Variants in RTL3 observed in about 807,000 individuals in gnomAD.
The protein encoded by RTL3 is retrotransposon Gag-like protein 3.
For synonymous variants in RTL3, 181 were observed against 132.2 expected (o/e 1.37, Z -2.53); for missense variants, 468 against 341.8 (o/e 1.37, Z -2.91).
In RTL3 at chrX:78,657,214, T is replaced by C. The variant is rs796647797; in HGVS notation, c.1207A>G (p.Lys403Glu). The change falls in exon 2 of 2, where the codon AAA becomes GAA. Residue 403 changes from lysine (K) to glutamate (E), a missense_variant. Coordinates refer to ENST00000321110, the MANE Select transcript of RTL3 (RefSeq NM_152694.3). ...EEKPDPNPLGKSSSAEGDGPE... is the reference protein window; with the variant it reads ...EEKPDPNPLGESSSAEGDGPE... ...CCATCTCCCTCTGCAGAGGAACTTT[T>C]CCCTAATGGATTGGGATCAGGCTTC... 28 of 1,210,758 alleles carry C rather than the reference T, an allele frequency of 2.3e-5. No homozygotes were observed. Among genetic ancestry groups the C allele is most frequent in the African/African-American group, 3.5e-5 (2 of 57,355 alleles).
chrX:78,658,142 A>T lies in RTL3; in HGVS notation c.279T>A (p.Asp93Glu). 1 of 1,161,673 alleles carries T rather than the reference A, an allele frequency of 8.6e-7. No homozygotes were observed. The highest frequency in any genetic ancestry group is 2.1e-5 in the South Asian group (1 of 48,179). The stretch of plus-strand genomic sequence containing the variant: ...CTGCTGGGGGTTCCCAGGGTAGAAG[A>T]TCCTGTGGCTCTGGTGGCTTCTGGG... Reference protein sequence around the residue: ...KEPQKPPEPQDLLPWEPPAAW... With the variant: ...KEPQKPPEPQELLPWEPPAAW... The change falls in exon 2 of 2, where the codon GAT becomes GAA. Residue 93 changes from aspartate to glutamate, a missense_variant. Transcript: ENST00000321110.
rs762348439 is a variant in RTL3 at position 78,657,719 on chromosome X, T to C, written c.702A>G (p.Thr234=). The change falls in exon 2 of 2, where the codon ACA becomes ACG. Residue 234 remains threonine, a synonymous_variant. Coordinates refer to ENST00000321110, the MANE Select transcript of RTL3 (RefSeq NM_152694.3). ...TTAAAGTGTATTGCAGGGGGAAATC[T>C]GTAGCCTCTAACCCAATAGGGGCCT... ...FPQAPIGLEA[T]DFPLQYTLTF... 8.3e-7 allele frequency: 1 copy of C among 1,211,236 alleles called. No homozygotes were observed. Among genetic ancestry groups the C allele is most frequent in the South Asian group, 1.8e-5 (1 of 56,828 alleles).
At position 78,658,365 on chromosome X, in the gene RTL3, C is replaced by T. The variant is rs892209848; in HGVS notation, c.56G>A (p.Arg19Gln). Residue 19 changes from arginine (R) to glutamine (Q), a missense_variant, in exon 2 of 2, where the codon CGG becomes CAG. Coordinates refer to ENST00000321110, the MANE Select transcript of RTL3 (RefSeq NM_152694.3). Reference protein sequence around the residue: ...YIVLKLENEIRQAQVQWLMEE... With the variant: ...YIVLKLENEIQQAQVQWLMEE... ...CATCAGCCACTGCACTTGAGCCTGC[C>T]GAATTTCATTCTCCAATTTCAGAAC... 1.8e-5 allele frequency: 22 copies of T among 1,208,197 alleles called. No homozygotes were observed. Among genetic ancestry groups the T allele is most frequent in the Non-Finnish European group, 2.3e-5 (21 of 894,680 alleles).
At position 78,658,414 on chromosome X, in the gene RTL3, C is replaced by T; in HGVS notation, c.7G>A (p.Glu3Lys). 8.4e-7 allele frequency: 1 copy of T among 1,189,019 alleles called. No individual in the cohort carries two copies. Among genetic ancestry groups the T allele is most frequent in the East Asian group, 3.0e-5 (1 of 33,183 alleles). Reference sequence around the variant, plus strand: ...ACAATATAGGAGGCTGCTAAGTCCTCCACCATCTTTTGAGGAAATGGGTAT... The same window carrying T: ...ACAATATAGGAGGCTGCTAAGTCCTTCACCATCTTTTGAGGAAATGGGTAT... MV[E>K]DLAASYIVLK... The change falls in exon 2 of 2, where the codon GAG (glutamate) becomes AAG (lysine). Residue 3 changes from glutamate to lysine, a missense_variant. Glu to Lys is a moderately conservative substitution (Grantham distance 56). Coordinates refer to ENST00000321110, the MANE Select transcript of RTL3 (RefSeq NM_152694.3).
At position 78,658,074 on chromosome X, in the gene RTL3, G is replaced by T; in HGVS notation, c.347C>A (p.Ala116Glu). Reference sequence around the variant, plus strand: ...CTGGGACTCCCGGGTTGCTGGAGGCGCCAGGGACTCTGGGGCTGCTGGGGC... The same window carrying T: ...CTGGGACTCCCGGGTTGCTGGAGGCTCCAGGGACTCTGGGGCTGCTGGGGC... Reference protein sequence around the residue: ...QEAPAAPESLAPPATRESQKP... With the variant: ...QEAPAAPESLEPPATRESQKP... The change falls in exon 2 of 2, where the codon GCG becomes GAG. Residue 116 changes from alanine (A) to glutamate (E), a missense_variant. Ala to Glu is a moderately radical substitution (Grantham distance 107, BLOSUM62 -1). Transcript: ENST00000321110. 1 of 1,151,361 alleles carries T rather than the reference G, an allele frequency of 8.7e-7. No individual in the cohort carries two copies. Among genetic ancestry groups the T allele is most frequent in the South Asian group, 2.1e-5 (1 of 46,903 alleles). 94.9% of individuals were successfully genotyped at this position (1,151,361 alleles called of 1,213,427 possible).
In RTL3 at chrX:78,657,285, G is replaced by C. The variant is rs1301251891; in HGVS notation, c.1136C>G (p.Ala379Gly). The C allele has an allele frequency of 8.3e-7, 1 of 1,211,907 alleles. No homozygotes were observed. The highest frequency in any genetic ancestry group is 1.7e-5 in the African/African-American group (1 of 57,793). Reference protein sequence around the residue: ...IQDELSHTSPATNLSDLITQC... With the variant: ...IQDELSHTSPGTNLSDLITQC... ...AGTGATGAGATCAGATAGGTTGGTG[G>C]CTGGGCTTGTGTGAGACAGTTCATC... Residue 379 changes from alanine to glycine, a missense_variant, in exon 2 of 2, where the codon GCC (alanine) becomes GGC (glycine). By Grantham distance (60) the Ala-to-Gly change is moderately conservative. Coordinates refer to ENST00000321110, the MANE Select transcript of RTL3 (RefSeq NM_152694.3).
In RTL3 at chrX:78,657,997, C is replaced by A; in HGVS notation, c.424G>T (p.Ala142Ser). The change falls in exon 2 of 2, where the codon GCA (alanine) becomes TCA (serine). Residue 142 changes from alanine (A) to serine (S), a missense_variant. Coordinates refer to ENST00000321110, the MANE Select transcript of RTL3 (RefSeq NM_152694.3). ...GCTATTGTGGCATCCTGGGTGTTTG[C>A]AGGCCCCTGGCCCTCCAAGACTGTT... ...IPTVLEGQGP[A>S]NTQDATIAQE... 13 of 1,195,512 alleles carry A rather than the reference C, an allele frequency of 1.1e-5. No homozygotes were observed. The highest frequency in any genetic ancestry group is 1.5e-5 in the Non-Finnish European group (13 of 890,186).
Position 78,657,969 on chromosome X carries a change from TG to T in RTL3, c.451del (p.Gln151LysfsTer30). Reference sequence around the variant, plus strand: ...CTGGGGTTCTGAATTCTTGGGCTCTTGGGCTATTGTGGCATCCTGGGTGTTT... The same window carrying T: ...CTGGGGTTCTGAATTCTTGGGCTCTTGGCTATTGTGGCATCCTGGGTGTTT... ...PANTQDATIA[Q>X]EPKNSEPQDP... On this transcript the variant is annotated frameshift_variant, in exon 2 of 2. Coordinates refer to ENST00000321110, the MANE Select transcript of RTL3 (RefSeq NM_152694.3). LOFTEE classifies it low-confidence loss of function (END_TRUNC). 1.7e-6 allele frequency: 2 copies of T among 1,206,158 alleles called. No homozygotes were observed. The highest frequency in any genetic ancestry group is 2.2e-6 in the Non-Finnish European group (2 of 893,799).
Position 78,657,239 on chromosome X carries a change from C to T in RTL3, c.1182G>A (p.Glu394=). 8.2e-7 allele frequency: 1 copy of T among 1,212,123 alleles called. No individual in the cohort carries two copies. The highest frequency in any genetic ancestry group is 1.1e-6 in the Non-Finnish European group (1 of 895,596). ...DLITQCISLE[E]KPDPNPLGKS... is the part of the protein sequence containing the mutation. ...TCCCTAATGGATTGGGATCAGGCTT[C>T]TCTTCCAGGCTGATGCACTGAGTGA... The change falls in exon 2 of 2, where the codon GAG becomes GAA. Residue 394 remains glutamate, a synonymous_variant. Coordinates refer to ENST00000321110, the MANE Select transcript of RTL3 (RefSeq NM_152694.3).
rs757153383 is a variant in RTL3 at position 78,657,661 on chromosome X, A to G, written c.760T>C (p.Phe254Leu). The G allele has an allele frequency of 5.6e-5, 68 of 1,206,309 alleles. No homozygotes were observed. The highest frequency in any genetic ancestry group is 1.4e-4 in the South Asian group (8 of 56,078). Residue 254 changes from phenylalanine (F) to leucine (L), a missense_variant, in exon 2 of 2, where the codon TTC becomes CTC. Transcript: ENST00000321110. ...ATGTAACTATACAGCTGAACCAGGA[A>G]CTCAGGAAGCTTCTGGGAATCTCCA... ...FSGDSQKLPE[F>L]LVQLYSYMRV... is the part of the protein sequence containing the mutation.
At position 78,658,027 on chromosome X, in the gene RTL3, T is replaced by A; in HGVS notation, c.394A>T (p.Ile132Phe). ...ESQKPPMAHE[I>F]PTVLEGQGPA... The stretch of plus-strand genomic sequence containing the variant: ...CCCTGGCCCTCCAAGACTGTTGGGA[T>A]CTCATGGGCCATTGGAGGTTTCTGG... The change falls in exon 2 of 2, where the codon ATC becomes TTC. Residue 132 changes from isoleucine to phenylalanine, a missense_variant. Ile to Phe is a conservative substitution (Grantham distance 21). Coordinates refer to ENST00000321110, the MANE Select transcript of RTL3 (RefSeq NM_152694.3). 8.6e-7 allele frequency: 1 copy of A among 1,168,508 alleles called. No homozygotes were observed. The highest frequency in any genetic ancestry group is 1.1e-6 in the Non-Finnish European group (1 of 878,451).
At position 78,658,028 on chromosome X, in the gene RTL3, C is replaced by A; in HGVS notation, c.393G>T (p.Glu131Asp). The A allele has an allele frequency of 8.6e-7, 1 of 1,168,130 alleles. No homozygotes were observed. The highest frequency in any genetic ancestry group is 1.8e-5 in the African/African-American group (1 of 55,361). ...RESQKPPMAHEIPTVLEGQGP... is the reference protein window; with the variant it reads ...RESQKPPMAHDIPTVLEGQGP... ...CCTGGCCCTCCAAGACTGTTGGGAT[C>A]TCATGGGCCATTGGAGGTTTCTGGG... The change falls in exon 2 of 2, where the codon GAG (glutamate) becomes GAT (aspartate). Residue 131 changes from glutamate (E) to aspartate (D), a missense_variant. Transcript: ENST00000321110.
At position 78,657,266 on chromosome X, in the gene RTL3, G is replaced by A. The variant is rs1268742651; in HGVS notation, c.1155C>T (p.Leu385=). Residue 385 remains leucine, a synonymous_variant, in exon 2 of 2, where the codon CTC becomes CTT. Coordinates refer to ENST00000321110, the MANE Select transcript of RTL3 (RefSeq NM_152694.3). ...HTSPATNLSD[L]ITQCISLEEK... is the part of the protein sequence containing the mutation. ...CTTCCAGGCTGATGCACTGAGTGAT[G>A]AGATCAGATAGGTTGGTGGCTGGGC... is the stretch of plus-strand genomic sequence containing the variant. 2 of 1,212,012 alleles carry A rather than the reference G, an allele frequency of 1.7e-6. No homozygotes were observed. Among genetic ancestry groups the A allele is most frequent in the South Asian group, 1.8e-5 (1 of 57,000 alleles).
Position 78,657,954 on chromosome X carries a change from G to A in RTL3, c.467C>T (p.Ser156Leu). Reference sequence around the variant, plus strand: ...AATATTTGGGGGATCCTGGGGTTCTGAATTCTTGGGCTCTTGGGCTATTGT... The same window carrying A: ...AATATTTGGGGGATCCTGGGGTTCTAAATTCTTGGGCTCTTGGGCTATTGT... ...DATIAQEPKN[S>L]EPQDPPNIEK... Residue 156 changes from serine (S) to leucine (L), a missense_variant, in exon 2 of 2, where the codon TCA becomes TTA. By Grantham distance (145) the Ser-to-Leu change is moderately radical (BLOSUM62 -2). Coordinates refer to ENST00000321110, the MANE Select transcript of RTL3 (RefSeq NM_152694.3). The A allele has an allele frequency of 1.7e-6, 2 of 1,208,374 alleles. No homozygotes were observed. The highest frequency in any genetic ancestry group is 2.2e-6 in the Non-Finnish European group (2 of 894,594).
In RTL3 at chrX:78,656,975, G is replaced by A; in HGVS notation, c.*18C>T. The A allele has an allele frequency of 2.5e-6, 3 of 1,187,328 alleles. No individual in the cohort carries two copies. Among genetic ancestry groups the A allele is most frequent in the Non-Finnish European group, 3.4e-6 (3 of 880,626 alleles). ...GAGGGGGACGCATATTTGTAGATTG[G>A]CCCACGTGGGGTCCCCCTTACTGGC... On this transcript the variant is annotated 3_prime_UTR_variant, in exon 2 of 2. Transcript: ENST00000321110.
chrX:78,657,436 T>C lies in RTL3; in HGVS notation c.985A>G (p.Ile329Val), dbSNP rs376204247. ...CCCTCCCCTTGGCAGAGTTGATGGATGCACTGGTTGGCATCTTTCATGTTT... is the reference window on the plus strand; with the variant it reads ...CCCTCCCCTTGGCAGAGTTGATGGACGCACTGGTTGGCATCTTTCATGTTT... ...PENMKDANQC[I>V]HQLCQGEGHV... The change falls in exon 2 of 2, where the codon ATC becomes GTC. Residue 329 changes from isoleucine (I) to valine (V), a missense_variant. Ile to Val is a conservative substitution (Grantham distance 29). Coordinates refer to ENST00000321110, the MANE Select transcript of RTL3 (RefSeq NM_152694.3). The C allele has an allele frequency of 9.1e-6, 11 of 1,209,598 alleles. No individual in the cohort carries two copies. In the African/African-American group the frequency reaches 1.9e-4, roughly 21 times the overall value.
rs988095478 is a variant in RTL3, at chrX:78,657,488, C to T, written c.933G>A (p.Val311=). The T allele has an allele frequency of 6.6e-6, 8 of 1,205,528 alleles. No individual in the cohort carries two copies. The African/African-American group carries it at 1.4e-4, about 21-fold the overall frequency. Residue 311 remains valine, a synonymous_variant, in exon 2 of 2, where the codon GTG becomes GTA. Transcript: ENST00000321110. ...LLEQCESFIP[V]LQDTFDNPEN... The stretch of plus-strand genomic sequence containing the variant: ...CTGGATTATCAAAAGTATCCTGGAG[C>T]ACAGGTATGAAACTTTCACATTGCT...
In RTL3 at chrX:78,657,766, A is replaced by G; in HGVS notation, c.655T>C (p.Ser219Pro). The change falls in exon 2 of 2, where the codon TCA becomes CCA. Residue 219 changes from serine (S) to proline (P), a missense_variant. By Grantham distance (74) the Ser-to-Pro change is moderately conservative. Transcript: ENST00000321110. ...GCCTGTGGAAACTCTGAAGCTGCTG[A>G]TGTCTCCACAACTATTAGACCCTCC... ...SLEGLIVVET[S>P]AASEFPQAPI... 3 of 1,211,512 alleles carry G rather than the reference A, an allele frequency of 2.5e-6. No individual in the cohort carries two copies. Among genetic ancestry groups the G allele is most frequent in the Non-Finnish European group, 3.4e-6 (3 of 895,461 alleles).
chrX:78,658,271 A>T lies in RTL3; in HGVS notation c.150T>A (p.Asp50Glu), dbSNP rs1295594640. The T allele has an allele frequency of 8.3e-7, 1 of 1,208,047 alleles. No individual in the cohort carries two copies. The highest frequency in any genetic ancestry group is 1.8e-5 in the African/African-American group (1 of 56,528). The change falls in exon 2 of 2, where the codon GAT becomes GAA. Residue 50 changes from aspartate (D) to glutamate (E), a missense_variant. By Grantham distance (45) the Asp-to-Glu change is conservative. Transcript: ENST00000321110. ...TGGCCTCTGAGGACTTTCGGAGTAG[A>T]TCATACTCCTTGGCTGCTTGGGACT... ...LQKSQAAKEY[D>E]LLRKSSEAKE...
Sources: allele counts gnomAD v4.1 joint callset, GRCh38; gene constraint gnomAD v4.1.1; transcripts MANE v1.5; gene names NCBI Gene and HGNC (gene_info 2026-07-23, HGNC 2026-07-21).